Variants in ZBTB7C observed in about 807,000 individuals in gnomAD.
ZBTB7C encodes zinc finger and BTB domain-containing protein 7C.
ZBTB7C carries 8 observed loss-of-function variants against 25.7 expected under a neutral mutation model. That is an observed-to-expected ratio of 0.31 (90% CI 0.18 to 0.56). The LOEUF (loss-of-function observed/expected upper bound fraction) is 0.56, where lower values mean the gene tolerates loss of function less well. ZBTB7C is among the 20% of genes least tolerant of loss of function. The pLI, the probability that ZBTB7C is intolerant of heterozygous loss-of-function variation, is 0.91. For synonymous variants in ZBTB7C, 394 were observed against 369.0 expected, an observed-to-expected ratio of 1.07 and a Z score of -0.78; for missense variants, 824 against 855.2, an observed-to-expected ratio of 0.96 and a Z score of 0.46.
chr18:48,343,751 C>G (rs1166458987), intron 1 of ZBTB7C, among the ~76,000 whole-genome samples: 1 of 152,214 alleles, frequency 6.6e-6, no homozygotes, highest in Non-Finnish European at 1.5e-5. Flanking sequence ...CAATCTGCAT[C>G]ATCTGCGGAT....
chr18:48,289,785 G>C (rs2045167031), intron 2 of ZBTB7C, among the ~76,000 whole-genome samples: 1 of 152,054 alleles, frequency 6.6e-6, no homozygotes, highest in African/African-American at 2.4e-5. Context: ...TCTGAGCATA[G>C]AAAAGTCCTA....
intron 2 of ZBTB7C, among the ~76,000 whole-genome samples, chr18:48,291,152 G>A (rs1221452203): frequency 6.6e-6 from 1 of 152,144 alleles, no homozygotes; most frequent in Non-Finnish European, 1.5e-5. Context: ...GTAGAGGGCT[G>A]GCTGAAGAGC....
At chr18:48,276,508 A>T (rs1368191483) in intron 2 of ZBTB7C, among the ~76,000 whole-genome samples, 75 of 115,342 alleles carry the variant, frequency 6.5e-4, no homozygotes, top group African/African-American at 2.3e-3. Context: ...TGTCCATGTG[A>T]TCTCATTGTT....
intron 2 of ZBTB7C, among the ~76,000 whole-genome samples, chr18:48,317,119 A>G (rs925912699): frequency 6.6e-6 from 1 of 152,096 alleles, no homozygotes; most frequent in Non-Finnish European, 1.5e-5. Flanking sequence ...CTAAAAATAC[A>G]AAAATCAGCC....
upstream of ZBTB7C, among the ~76,000 whole-genome samples, chr18:48,410,264 G>A (rs2048368685): frequency 6.6e-6 from 1 of 151,726 alleles, no homozygotes; most frequent in African/African-American, 2.4e-5. Context: ...GGGCAATCGC[G>A]CTCGGCGGCG....
chr18:48,231,206 C>G (rs950018008), intron 2 of ZBTB7C, among the ~76,000 whole-genome samples: 13 of 152,166 alleles, frequency 8.5e-5, no homozygotes, highest in Non-Finnish European at 1.3e-4. Flanking sequence ...AGGCCAGGGA[C>G]AGCCTGAGGC....
chr18:48,161,829 G>A (rs1333579326), intron 3 of ZBTB7C, among the ~76,000 whole-genome samples: 2 of 151,394 alleles, frequency 1.3e-5, no homozygotes, highest in Admixed American at 6.6e-5. Context: ...CCTCCTGCGG[G>A]AGCCATCGCC....
At chr18:48,318,675 G>A (rs759883812) in intron 2 of ZBTB7C, among the ~76,000 whole-genome samples, 1 of 152,206 alleles carries the variant, frequency 6.6e-6, no homozygotes, top group Non-Finnish European at 1.5e-5. Context: ...GGGCAGGGGC[G>A]ATTGTTCTCA....
chr18:48,086,635 A>G (rs1433305366), intron 3 of ZBTB7C, among the ~76,000 whole-genome samples: 1 of 152,176 alleles, frequency 6.6e-6, no homozygotes, highest in East Asian at 1.9e-4. Flanking sequence ...TTCAGGGAGA[A>G]ATCATCTTTC....
At chr18:48,090,350 G>A (rs977185247) in intron 3 of ZBTB7C, among the ~76,000 whole-genome samples, 1 of 152,206 alleles carries the variant, frequency 6.6e-6, no homozygotes, top group African/African-American at 2.4e-5. Context: ...GGTTCCAATC[G>A]CTATCAAAGG....
At chr18:48,262,882 AGAATCTGCGAGCCAAG>A (rs2044210332) in intron 2 of ZBTB7C, among the ~76,000 whole-genome samples, 1 of 151,966 alleles carries the variant, frequency 6.6e-6, no homozygotes, top group Non-Finnish European at 1.5e-5. Flanking sequence ...CACTGGATGC[AGAATCTGCGAGCCAAG>A]AGCACTGGCT....
At chr18:48,137,772 A>G (rs954942382) in intron 3 of ZBTB7C, among the ~76,000 whole-genome samples, 2 of 152,256 alleles carry the variant, frequency 1.3e-5, no homozygotes, top group African/African-American at 4.8e-5. Context: ...ACAAACAGAC[A>G]TATCACGCAG....
chr18:48,112,878 T>A (rs971792742), intron 3 of ZBTB7C, among the ~76,000 whole-genome samples: 1 of 152,170 alleles, frequency 6.6e-6, no homozygotes, highest in African/African-American at 2.4e-5. Context: ...TTTTATGAAA[T>A]GAGTATTTCA....
At chr18:48,044,726 C>T (rs888464641) in intron 3 of ZBTB7C, among the ~76,000 whole-genome samples, 9 of 152,244 alleles carry the variant, frequency 5.9e-5, no homozygotes, top group Non-Finnish European at 8.8e-5. Flanking sequence ...ACCCATGAAA[C>T]GAACTGGGAG....
At chr18:48,248,800 A>G (rs1030934192) in intron 2 of ZBTB7C, among the ~76,000 whole-genome samples, 1 of 152,206 alleles carries the variant, frequency 6.6e-6, no homozygotes, top group Non-Finnish European at 1.5e-5. Context: ...CAGAAAAATA[A>G]GAAGTACTCA....
chr18:48,125,662 C>T (rs1400718644), intron 3 of ZBTB7C, among the ~76,000 whole-genome samples: 1 of 152,198 alleles, frequency 6.6e-6, no homozygotes, highest in Non-Finnish European at 1.5e-5. Context: ...GATCCTTATT[C>T]TGGGTCCACC....
At chr18:48,189,185 G>A (rs776825390) in intron 2 of ZBTB7C, among the ~76,000 whole-genome samples, 47 of 152,148 alleles carry the variant, frequency 3.1e-4, no homozygotes, top group Non-Finnish European at 5.4e-4. Context: ...GCAGAGCCCT[G>A]GAGCTAAATA....
intron 2 of ZBTB7C, among the ~76,000 whole-genome samples, chr18:48,202,297 A>G (rs1188397485): frequency 6.6e-6 from 1 of 152,200 alleles, no homozygotes; most frequent in Non-Finnish European, 1.5e-5. Flanking sequence ...AGTTCAGGGT[A>G]TCTGCCTGTG....
intron 2 of ZBTB7C, among the ~76,000 whole-genome samples, chr18:48,234,758 A>C (rs1290290238): frequency 6.6e-6 from 1 of 152,098 alleles, no homozygotes; most frequent in Non-Finnish European, 1.5e-5. Flanking sequence ...AGTTTTTGGG[A>C]ATAGTTTATT....
Sources: allele counts gnomAD v4.1 joint callset (sites outside exome capture counted in the v4.1 genomes callset), GRCh38; gene constraint gnomAD v4.1.1; transcripts MANE v1.5; gene names NCBI Gene and HGNC (gene_info 2026-07-23, HGNC 2026-07-21).